Variants in DLAT observed in about 807,000 individuals in gnomAD.
The protein encoded by DLAT is dihydrolipoamide S-acetyltransferase, also known as dihydrolipoyllysine-residue acetyltransferase component of pyruvate dehydrogenase complex, mitochondrial.
Under a neutral mutation model 68.0 loss-of-function variants are expected in DLAT, and 43 were observed. The ratio of observed to expected loss-of-function variants is 0.63; its 90% confidence interval spans 0.50 to 0.81. The LOEUF is 0.81. Ranked by LOEUF, DLAT falls within the 40% of genes least tolerant of loss-of-function variation. DLAT has a pLI of 0.00. For missense variants in DLAT, 745 were observed against 815.4 expected (o/e 0.91, Z 1.05); for synonymous variants, 265 against 288.6 (o/e 0.92, Z 0.83).
chr11:112,043,671 C>A, intron 8 of DLAT, 138 bp downstream of exon 8: 1 of 865,284 alleles, frequency 1.2e-6, no homozygotes, highest in Non-Finnish European at 2.0e-6. Flanking sequence ...ATACAGTCAT[C>A]CCTCGGTACC....
In DLAT at chr11:112,037,652, G is replaced by A. The variant is rs183349503; in HGVS notation, c.975+192G>A. Among the ~76,000 whole-genome samples the A allele has an allele frequency of 3.3e-5, 5 of 152,224 alleles. No individual in the cohort carries two copies. In the East Asian group the frequency reaches 9.6e-4, roughly 29 times the overall value. The stretch of plus-strand genomic sequence containing the variant: ...CTGTTCACCTAATGGTTGATAGTTT[G>A]GGCCTTGTAGCTTTTTTCTTCCTGC... On this transcript the variant is annotated intron_variant, in intron 6 of 13. Transcript: ENST00000280346.
Position 112,025,408 on chromosome 11 carries a change from G to T in DLAT, c.-65G>T. The stretch of plus-strand genomic sequence containing the variant: ...GTGCGGTGTGGCTGACGGCAACGCC[G>T]CTGCTCTTGGAGAGGTCACTCCGGA... On this transcript the variant is annotated 5_prime_UTR_variant, in exon 1 of 14. Coordinates refer to ENST00000280346, the MANE Select transcript of DLAT (RefSeq NM_001931.5). The T allele has an allele frequency of 6.4e-6, 10 of 1,560,406 alleles. No individual in the cohort carries two copies. Among genetic ancestry groups the T allele is most frequent in the East Asian group, 2.4e-5 (1 of 42,490 alleles).
chr11:112,037,454 A>C lies in DLAT; in HGVS notation c.969A>C (p.Pro323=), dbSNP rs587627931. The change falls in exon 6 of 14, where the codon CCA becomes CCC. Residue 323 remains proline, a synonymous_variant. Coordinates refer to ENST00000280346, the MANE Select transcript of DLAT (RefSeq NM_001931.5). ...DLKPQVPPPT[P]PPVAAVPPTP... Reference sequence around the variant, plus strand: ...AACCACAAGTGCCACCACCTACCCCACCCCCGGTAGGTATGCTTCTAGAAT... The same window carrying C: ...AACCACAAGTGCCACCACCTACCCCCCCCCCGGTAGGTATGCTTCTAGAAT... 85 of 1,613,368 alleles carry C rather than the reference A, an allele frequency of 5.3e-5. No homozygotes were observed. Among genetic ancestry groups the C allele is most frequent in the Admixed American group, 4.3e-4 (26 of 59,946 alleles).
intron 6 of DLAT, among the ~76,000 whole-genome samples, chr11:112,037,996 C>T (rs1360319921): frequency 1.3e-5 from 2 of 152,082 alleles, no homozygotes; most frequent in African/African-American, 4.8e-5. Context: ...TATTATATCA[C>T]CAAATACTTG....
At chr11:112,037,088 A>G (rs1862814084) in intron 5 of DLAT, among the ~76,000 whole-genome samples, 185 bp from the exon 6 acceptor site, 2 of 152,216 alleles carry the variant, frequency 1.3e-5, no homozygotes, top group South Asian at 2.1e-4. Context: ...ATCCAGTGAG[A>G]TTGGTACTAT....
chr11:112,054,363 A>AT (rs1455894096), intron 11 of DLAT, among the ~76,000 whole-genome samples: 1 of 152,008 alleles, frequency 6.6e-6, no homozygotes, highest in Non-Finnish European at 1.5e-5. Flanking sequence ...TATTTGGTTA[A>AT]TTTTTTTAGA....
chr11:112,028,100 A>C (rs1027214705), intron 2 of DLAT, among the ~76,000 whole-genome samples: 11 of 152,206 alleles, frequency 7.2e-5, no homozygotes, highest in Admixed American at 2.0e-4. Flanking sequence ...GATTGGTTGG[A>C]TAAGTTGTCA....
At chr11:112,049,501 T>C (rs1863500995) in intron 10 of DLAT, among the ~76,000 whole-genome samples, 1 of 152,210 alleles carries the variant, frequency 6.6e-6, no homozygotes, top group African/African-American at 2.4e-5. Context: ...TTTTTGATAC[T>C]ACTCTAAGTG....
At position 112,028,658 on chromosome 11, in the gene DLAT, A is replaced by G. The variant is rs375479283; in HGVS notation, c.506+19A>G. On this transcript the variant is annotated intron_variant, in intron 3 of 13. Coordinates refer to ENST00000280346, the MANE Select transcript of DLAT (RefSeq NM_001931.5). ...TTGGCAAGTGAGTAGTGCGCTCATA[A>G]TTTGTGGAACTTCATTGCTTGGTGG... 1.9e-6 allele frequency: 3 copies of G among 1,614,046 alleles called. No homozygotes were observed. Among genetic ancestry groups the G allele is most frequent in the African/African-American group, 2.7e-5 (2 of 74,916 alleles).
rs1555181955 is a variant in DLAT at position 112,051,261 on chromosome 11, G to T, written c.1426G>T (p.Val476Phe). ...ATTAGAAGGGAGAAGCAAAATTTCTGTCAATGACTTCATCATAAAAGCTTC... is the reference window on the plus strand; with the variant it reads ...ATTAGAAGGGAGAAGCAAAATTTCTTTCAATGACTTCATCATAAAAGCTTC... The part of the protein sequence containing the change: ...KILEGRSKIS[V>F]NDFIIKASAL... The change falls in exon 11 of 14, where the codon GTC (valine) becomes TTC (phenylalanine). Residue 476 changes from valine (V) to phenylalanine (F), a missense_variant. Val to Phe is a conservative substitution (Grantham distance 50). Coordinates refer to ENST00000280346, the MANE Select transcript of DLAT (RefSeq NM_001931.5). The surrounding 1 kb of genome is among the most constrained non-coding windows in gnomAD (Gnocchi z 4.3). 1 of 1,612,774 alleles carries T rather than the reference G, an allele frequency of 6.2e-7. No individual in the cohort carries two copies. The highest frequency in any genetic ancestry group is 8.5e-7 in the Non-Finnish European group (1 of 1,179,868).
At chr11:112,043,656 T>C (rs1252427716) in intron 8 of DLAT, 123 bp downstream of exon 8, 2 of 969,494 alleles carry the variant, frequency 2.1e-6, no homozygotes, top group Non-Finnish European at 3.3e-6. Context: ...TTCAGTGGTT[T>C]AATAATACAG....
intron 10 of DLAT, 135 bp downstream of exon 10, chr11:112,046,105 G>C (rs1448074609): frequency 6.5e-6 from 4 of 619,394 alleles, no homozygotes; most frequent in Non-Finnish European, 1.1e-5. Context: ...GTCCTTTGAA[G>C]CACAAGATTT....
chr11:112,038,314 T>A (rs1555180736), intron 6 of DLAT, among the ~76,000 whole-genome samples: 2 of 151,882 alleles, frequency 1.3e-5, no homozygotes, highest in East Asian at 2.0e-4. Flanking sequence ...TTCTCCTGCC[T>A]CGACCTCCCG....
chr11:112,062,005 T>C (rs1435370634), intron 13 of DLAT, among the ~76,000 whole-genome samples: 1 of 152,216 alleles, frequency 6.6e-6, no homozygotes, highest in Non-Finnish European at 1.5e-5. Flanking sequence ...TTAGTCCTAT[T>C]TGAGGTGGAA....
intron 2 of DLAT, among the ~76,000 whole-genome samples, chr11:112,027,887 G>A (rs1478045156): frequency 1.5e-5 from 2 of 132,680 alleles, no homozygotes; most frequent in African/African-American, 2.9e-5. Flanking sequence ...GAGGGAGACC[G>A]TGGAAAGAGA....
intron 11 of DLAT, 109 bp from the exon 12 acceptor site, chr11:112,059,794 C>A: frequency 1.1e-6 from 1 of 889,460 alleles, no homozygotes; most frequent in Non-Finnish European, 1.7e-6. Flanking sequence ...AACAATAACA[C>A]ACATTGGTTC....
chr11:112,036,201 G>GTTTTT (rs1167345612), intron 5 of DLAT, among the ~76,000 whole-genome samples: 790 of 36,514 alleles, frequency 0.022, 143 homozygotes, highest in Non-Finnish European at 0.028. Context: ...GTGTGTGTGT[G>GTTTTT]TTTTTTTTTT....
At chr11:112,032,391 C>A (rs1862462441) in intron 4 of DLAT, 1 of 151,938 alleles carries the variant, frequency 6.6e-6, no homozygotes, top group Admixed American at 6.6e-5. Flanking sequence ...TTTATATATG[C>A]ATTACTTTAT....
At chr11:112,059,666 T>C (rs1555182970) in intron 11 of DLAT, among the ~76,000 whole-genome samples, 1 of 152,214 alleles carries the variant, frequency 6.6e-6, no homozygotes, top group African/African-American at 2.4e-5. Context: ...GTGTTGGGAT[T>C]ACAGGCATGA....
Sources: gnomAD v4.1 joint callset for allele counts (sites outside exome capture counted in the v4.1 genomes callset) on GRCh38, gnomAD v4.1.1 for gene constraint, Gnocchi (gnomAD v3.1) non-coding constraint, MANE v1.5 for transcripts, NCBI Gene and HGNC (gene_info 2026-07-23, HGNC 2026-07-21) for gene names.